Variants in RASGRP4 observed in about 807,000 individuals in gnomAD.
RASGRP4 encodes RAS guanyl-releasing protein 4.
Under a neutral mutation model 84.4 loss-of-function variants are expected in RASGRP4, and 52 were observed. That is an observed-to-expected ratio of 0.62 (90% CI 0.49 to 0.78). The LOEUF (loss-of-function observed/expected upper bound fraction) is 0.78, where lower values mean the gene tolerates loss of function less well. Ranked by LOEUF, RASGRP4 falls within the 30% of genes least tolerant of loss-of-function variation. RASGRP4 has a pLI of 0.00. For synonymous variants in RASGRP4, 356 were observed against 359.1 expected (o/e 0.99, Z 0.10); for missense variants, 760 against 886.9 (o/e 0.86, Z 1.82).
At chr19:38,424,745 A>G (rs1049201386) in intron 1 of RASGRP4, among the ~76,000 whole-genome samples, 1 of 151,970 alleles carries the variant, frequency 6.6e-6, no homozygotes, top group Non-Finnish European at 1.5e-5. Context: ...GACATTTTAA[A>G]GTATTATATA....
intron 2 of RASGRP4, 62 bp downstream of exon 2, chr19:38,421,907 A>T (rs1022451150): frequency 6.9e-6 from 10 of 1,454,540 alleles, no homozygotes; most frequent in Non-Finnish European, 9.4e-6. Context: ...ACTGAGGTGG[A>T]GAGAAGCGAG....
At position 38,419,797 on chromosome 19, in the gene RASGRP4, GC is replaced by G; in HGVS notation, c.663+62del. 3 of 1,486,682 alleles carry G rather than the reference GC, an allele frequency of 2.0e-6. No homozygotes were observed. The East Asian group carries it at 7.4e-5, about 37-fold the overall frequency. 92.1% of individuals were successfully genotyped at this position (1,486,682 alleles called of 1,614,324 possible). On this transcript the variant is annotated intron_variant, in intron 6 of 16. Transcript: ENST00000615439. ...GTCCTCTCAGTCCTACCTTCCCCCA[GC>G]CAATCCCTCCCCTACCCCAGTGTCT...
Position 38,411,327 on chromosome 19 carries a change from CACTG to C in RASGRP4, c.1717+14_1717+17del. ...TGCGGGCCAAGGCTTCCCTCCCACT[CACTG>C]ACACCCCACTCACCCCGACAGCGGT... On this transcript the variant is annotated intron_variant, in intron 14 of 16. Transcript: ENST00000615439. The C allele has an allele frequency of 1.2e-6, 2 of 1,607,682 alleles. No individual in the cohort carries two copies. The highest frequency in any genetic ancestry group is 8.5e-7 in the Non-Finnish European group (1 of 1,177,014).
intron 1 of RASGRP4, among the ~76,000 whole-genome samples, chr19:38,425,517 C>T (rs1395417881): frequency 4.6e-5 from 7 of 152,116 alleles, no homozygotes; most frequent in Non-Finnish European, 1.0e-4. Flanking sequence ...GAGGAGTTAC[C>T]CAGGCTAGGG....
At position 38,413,223 on chromosome 19, in the gene RASGRP4, T is replaced by A. The variant is rs1004232163; in HGVS notation, c.1386A>T (p.Thr462=). The change falls in exon 11 of 17, where the codon ACA becomes ACT. Residue 462 remains threonine (T), a synonymous_variant. Coordinates refer to ENST00000615439, the MANE Select transcript of RASGRP4 (RefSeq NM_170604.3). This position sits in a 1 kb window ranked among gnomAD's most constrained non-coding sequence, Gnocchi z 4.7. ...PGVTPKPDRV[T]LGRHVEQLVE... is the part of the protein sequence containing the mutation. ...CCAGCTGCTCCACATGCCGACCCAG[T>A]GTGACCCTGTCCGGCTTGGGTGTCA... is the stretch of plus-strand genomic sequence containing the variant. 17 of 1,613,642 alleles carry A rather than the reference T, an allele frequency of 1.1e-5. No homozygotes were observed. Among genetic ancestry groups the A allele is most frequent in the Middle Eastern group, 1.7e-4 (1 of 5,916 alleles).
At chr19:38,415,637 T>G (rs1971468812) in intron 8 of RASGRP4, among the ~76,000 whole-genome samples, 2 of 151,980 alleles carry the variant, frequency 1.3e-5, no homozygotes, top group East Asian at 3.9e-4. Context: ...CCTCCCAAAG[T>G]GTTGGGATTA....
At position 38,420,903 on chromosome 19, in the gene RASGRP4, C is replaced by T. The variant is rs770307639; in HGVS notation, c.377+5G>A. The T allele has an allele frequency of 2.0e-5, 33 of 1,613,378 alleles. No individual in the cohort carries two copies. The highest frequency in any genetic ancestry group is 2.8e-5 in the Non-Finnish European group (33 of 1,179,550). ...CTGAGAGTGGGGATCTCGGCCCAGC[C>T]CTACCTGACCAGGTGACAGATCTGC... On this transcript the variant is annotated splice_donor_5th_base_variant and intron_variant, in intron 4 of 16. Transcript: ENST00000615439.
At chr19:38,410,837 G>A in intron 16 of RASGRP4, 49 bp downstream of exon 16, 1 of 1,338,936 alleles carries the variant, frequency 7.5e-7, no homozygotes, top group Non-Finnish European at 1.1e-6. Context: ...CCACGCCAAT[G>A]GCCTGTGTCC....
chr19:38,412,125 G>GTT lies in RASGRP4; in HGVS notation c.1680+545_1680+546dup, dbSNP rs1027622261. On this transcript the variant is annotated intron_variant, in intron 13 of 16. Transcript: ENST00000615439. This position sits in a 1 kb window ranked among gnomAD's most constrained non-coding sequence, Gnocchi z 4.6. ...TGTTGTTGTTGTTGTTGTTGTTGTT[G>GTT]TTGTTGTTTTTGAGACAGAATCTCG... Among the ~76,000 whole-genome samples, 1 of 128,874 alleles carries GTT rather than the reference G, an allele frequency of 7.8e-6. No homozygotes were observed. The highest frequency in any genetic ancestry group is 1.6e-5 in the Non-Finnish European group (1 of 63,562). The allele number at this position is 128,874 out of a possible 152,430, so 84.5% of individuals were successfully genotyped here. A position where few individuals can be genotyped will look rare whatever the true frequency, so the allele number is the denominator to read the frequency against.
At position 38,412,127 on chromosome 19, in the gene RASGRP4, TG is replaced by T. The variant is rs1323700126; in HGVS notation, c.1680+544del. 1.9e-4 allele frequency among the ~76,000 whole-genome samples: 27 copies of T among 143,892 alleles called. No individual in the cohort carries two copies. The highest frequency in any genetic ancestry group is 7.4e-4 in the African/African-American group (27 of 36,728). The allele number at this position is 143,892 out of a possible 152,430, so 94.4% of individuals were successfully genotyped here. A position where few individuals can be genotyped will look rare whatever the true frequency, so the allele number is the denominator to read the frequency against. The stretch of plus-strand genomic sequence containing the variant: ...TTGTTGTTGTTGTTGTTGTTGTTGT[TG>T]TTGTTTTTGAGACAGAATCTCGCTC... On this transcript the variant is annotated intron_variant, in intron 13 of 16. Transcript: ENST00000615439. This position sits in a 1 kb window ranked among gnomAD's most constrained non-coding sequence, Gnocchi z 4.6.
In RASGRP4 at chr19:38,420,249, G is replaced by C; in HGVS notation, c.391C>G (p.Arg131Gly). Residue 131 changes from arginine (R) to glycine (G), a missense_variant, in exon 5 of 17, where the codon CGA becomes GGA. By Grantham distance (125) the Arg-to-Gly change is moderately radical. Coordinates refer to ENST00000615439, the MANE Select transcript of RASGRP4 (RefSeq NM_170604.3). ...ICHLVRYWLM[R>G]HPEVMHQDPQ... is the part of the protein sequence containing the mutation. ...TCCTGGTGCATCACCTCAGGGTGTCGCATCAGCCAGTACCTGAGAGTGGTT... is the reference window on the plus strand; with the variant it reads ...TCCTGGTGCATCACCTCAGGGTGTCCCATCAGCCAGTACCTGAGAGTGGTT... 1 of 1,612,868 alleles carries C rather than the reference G, an allele frequency of 6.2e-7. No individual in the cohort carries two copies. The highest frequency in any genetic ancestry group is 8.5e-7 in the Non-Finnish European group (1 of 1,179,422).
chr19:38,413,272 A>G lies in RASGRP4; in HGVS notation c.1337T>C (p.Leu446Pro). The G allele has an allele frequency of 6.2e-7, 1 of 1,613,500 alleles. No individual in the cohort carries two copies. Among genetic ancestry groups the G allele is most frequent in the Non-Finnish European group, 8.5e-7 (1 of 1,179,732 alleles). Reference protein sequence around the residue: ...SLPPSPFNAPLVVEWAPGVTP... With the variant: ...SLPPSPFNAPPVVEWAPGVTP... ...CACACCAGGGGCCCACTCCACCACC[A>G]GAGGTGCATTGAAGGGGGAGGGTGG... is the stretch of plus-strand genomic sequence containing the variant. The change falls in exon 11 of 17, where the codon CTG becomes CCG. Residue 446 changes from leucine to proline, a missense_variant. Transcript: ENST00000615439. The surrounding 1 kb of genome is among the most constrained non-coding windows in gnomAD (Gnocchi z 4.7).
intron 16 of RASGRP4, among the ~76,000 whole-genome samples, chr19:38,410,550 C>G (rs1050186453): frequency 2.0e-5 from 3 of 151,770 alleles, no homozygotes; most frequent in African/African-American, 7.3e-5. Flanking sequence ...GTAGCTGGGA[C>G]TACAGGCACC....
intron 9 of RASGRP4, 43 bp downstream of exon 9, chr19:38,414,805 G>A: frequency 1.3e-6 from 2 of 1,535,454 alleles, no homozygotes; most frequent in Non-Finnish European, 1.8e-6. Flanking sequence ...CTATATCTCA[G>A]TACCCTTGGA....
intron 14 of RASGRP4, 45 bp downstream of exon 14, chr19:38,411,300 C>A: frequency 6.2e-7 from 1 of 1,611,996 alleles, no homozygotes. Flanking sequence ...ATTCTTCCAG[C>A]CTGCGGGCCA....
intron 8 of RASGRP4, 28 bp from the exon 9 acceptor site, chr19:38,415,151 C>A: frequency 1.3e-6 from 2 of 1,558,202 alleles, no homozygotes; most frequent in South Asian, 1.2e-5. Flanking sequence ...GGGATTGGGG[C>A]GTTATCAGGA....
chr19:38,423,456 G>A (rs559748125), intron 1 of RASGRP4, among the ~76,000 whole-genome samples: 2 of 152,064 alleles, frequency 1.3e-5, no homozygotes, highest in East Asian at 3.9e-4. Context: ...AACCCAGGAG[G>A]TGGAGGCTGC....
At chr19:38,422,329 C>T (rs1468844972) in intron 1 of RASGRP4, among the ~76,000 whole-genome samples, 176 bp from the exon 2 acceptor site, 1 of 152,216 alleles carries the variant, frequency 6.6e-6, no homozygotes, top group South Asian at 2.1e-4. Flanking sequence ...TATTCCAGAT[C>T]CCTGGGGGAA....
At chr19:38,425,099 C>T (rs1328469363) in intron 1 of RASGRP4, among the ~76,000 whole-genome samples, 5 of 151,184 alleles carry the variant, frequency 3.3e-5, no homozygotes, top group Non-Finnish European at 7.4e-5. Context: ...GCAGGATGAT[C>T]GCTTGAACCC....
Sources: gnomAD v4.1 joint callset for allele counts (sites outside exome capture counted in the v4.1 genomes callset) on GRCh38, gnomAD v4.1.1 for gene constraint, Gnocchi (gnomAD v3.1) non-coding constraint, MANE v1.5 for transcripts, NCBI Gene and HGNC (gene_info 2026-07-23, HGNC 2026-07-21) for gene names.